The following NAV2 variants were observed in gnomAD, a reference collection of about 807,000 sequenced individuals.
NAV2 encodes the protein helicase, APC down-regulated 1.
A neutral mutation model predicts 223.2 loss-of-function variants in NAV2; 54 were observed. The ratio of observed to expected loss-of-function variants is 0.24; its 90% CI spans 0.19 to 0.30. The LOEUF is 0.30. Among genes scored for constraint, NAV2 ranks in the 10% least tolerant of loss-of-function variants. The pLI is 1.00. For synonymous variants in NAV2, 1,279 were observed against 1,239.3 expected (o/e 1.03, Z -0.67); for missense variants, 2,806 against 3,147.5 (o/e 0.89, Z 2.60).
chr11:19,573,571 G>A (rs567387624), intron 1 of NAV2, among the ~76,000 whole-genome samples: 34 of 152,256 alleles, frequency 2.2e-4, no homozygotes, highest in South Asian at 1.2e-3. Context: ...TGTGCCAGCC[G>A]CGGGCAGTGC....
intron 1 of NAV2, among the ~76,000 whole-genome samples, chr11:19,367,320 G>C (rs1590061885): frequency 6.6e-6 from 1 of 152,264 alleles, no homozygotes; most frequent in South Asian, 2.1e-4. Flanking sequence ...TGACTTCCAA[G>C]GCCCCTTGAG....
rs116730924 is a variant in NAV2 at position 19,604,045 on chromosome 11, G to T, written c.76-228439G>T. On this transcript the variant is annotated intron_variant, in intron 1 of 37. Coordinates refer to the NAV2 transcript ENST00000360655. ...GCTGGGGGAGAGGGAGCAAGGGGAAGAGAAGTAGGCAGTAGCATCAGAGAG... is the reference window on the plus strand; with the variant it reads ...GCTGGGGGAGAGGGAGCAAGGGGAATAGAAGTAGGCAGTAGCATCAGAGAG... Among the ~76,000 whole-genome samples, 1,227 of 152,256 alleles carry T rather than the reference G, an allele frequency of 8.1e-3. 23 individuals carry two copies. The highest frequency in any genetic ancestry group is 0.026 in the African/African-American group (1,094 of 41,538).
chr11:19,823,101 C>A (rs7106118), intron 1 of NAV2, among the ~76,000 whole-genome samples: 42,839 of 152,100 alleles, frequency 0.28, 6,445 homozygotes, highest in East Asian at 0.34. Flanking sequence ...AAGCTGAGTG[C>A]AGTGGTGATC....
intron 1 of NAV2, among the ~76,000 whole-genome samples, chr11:19,471,611 G>A (rs2041967581): frequency 6.6e-6 from 1 of 152,152 alleles, no homozygotes; most frequent in Non-Finnish European, 1.5e-5. Flanking sequence ...TAATGATAGA[G>A]CTGACTCAGG....
chr11:19,995,306 G>T (rs1486027135), intron 11 of NAV2, among the ~76,000 whole-genome samples: 1 of 152,200 alleles, frequency 6.6e-6, no homozygotes, highest in East Asian at 1.9e-4. Context: ...TGAACTGTTT[G>T]TCTCTGACGG....
intron 26 of NAV2, among the ~76,000 whole-genome samples, chr11:20,088,383 C>A (rs762643961): frequency 6.6e-6 from 1 of 152,172 alleles, no homozygotes; most frequent in African/African-American, 2.4e-5. Context: ...GACGGGGTTT[C>A]GCCGTGTTGG....
rs565072128 is a variant in NAV2 at position 19,897,732 on chromosome 11, G to A, written c.931+5138G>A. The stretch of plus-strand genomic sequence containing the variant: ...TTCCCAAAGACTGATCTCAGATTTT[G>A]CCTGTGAGGTTTGGAGGAAAGTCTG... On this transcript the variant is annotated intron_variant, in intron 6 of 37. Coordinates refer to ENST00000349880, the MANE Select transcript of NAV2 (RefSeq NM_145117.5). 3.9e-5 allele frequency among the ~76,000 whole-genome samples: 6 copies of A among 152,004 alleles called. No individual in the cohort carries two copies. In the South Asian group the frequency reaches 8.3e-4, roughly 21 times the overall value.
At chr11:19,482,338 G>T (rs2042305500) in intron 1 of NAV2, among the ~76,000 whole-genome samples, 1 of 152,254 alleles carries the variant, frequency 6.6e-6, no homozygotes, top group East Asian at 1.9e-4. Context: ...CTCTAGTAAT[G>T]AGAATATGCT....
chr11:19,608,715 C>G (rs1270207575), intron 1 of NAV2, among the ~76,000 whole-genome samples: 2 of 152,222 alleles, frequency 1.3e-5, no homozygotes, highest in African/African-American at 4.8e-5. Flanking sequence ...TCTTTTGGAG[C>G]CAGCTCTATT....
In NAV2 at chr11:19,486,275, G is replaced by A. The variant is rs954978656; in HGVS notation, c.75+135248G>A. Among the ~76,000 whole-genome samples, 36 of 152,082 alleles carry A rather than the reference G, an allele frequency of 2.4e-4. 2 individuals carry two copies. Among genetic ancestry groups the A allele is most frequent in the African/African-American group, 8.2e-4 (34 of 41,424 alleles). On this transcript the variant is annotated intron_variant, in intron 1 of 37. Transcript: ENST00000360655. ...GCATCCATTTATAGTCTCTTCCTGGGACCCTGTGCCTCTGAAGCCACTAGG... is the reference window on the plus strand; with the variant it reads ...GCATCCATTTATAGTCTCTTCCTGGAACCCTGTGCCTCTGAAGCCACTAGG...
intron 1 of NAV2, among the ~76,000 whole-genome samples, chr11:19,564,599 C>T (rs948456244): frequency 2.0e-5 from 3 of 151,908 alleles, no homozygotes; most frequent in Non-Finnish European, 4.4e-5. Flanking sequence ...CCTCACCAGA[C>T]TTAGCGAGAG....
At chr11:19,771,805 T>TATTC (rs893216390) in intron 1 of NAV2, among the ~76,000 whole-genome samples, 9 of 152,128 alleles carry the variant, frequency 5.9e-5, no homozygotes, top group African/African-American at 9.7e-5. Flanking sequence ...TCTGGGGGCG[T>TATTC]ATTCATTCAT....
At chr11:19,548,473 G>A (rs2044576816) in intron 1 of NAV2, among the ~76,000 whole-genome samples, 1 of 152,150 alleles carries the variant, frequency 6.6e-6, no homozygotes, top group Admixed American at 6.5e-5. Context: ...TCTCACTGAT[G>A]GTTACTGGAA....
At chr11:19,880,268 A>C (rs746700164) in intron 5 of NAV2, 141 bp downstream of exon 5, 1 of 1,229,986 alleles carries the variant, frequency 8.1e-7, no homozygotes, top group Admixed American at 2.9e-5. Flanking sequence ...GGAAATTAGC[A>C]TGGCCTTGAA....
intron 1 of NAV2, among the ~76,000 whole-genome samples, chr11:19,418,492 G>A (rs1285858453): frequency 2.0e-5 from 3 of 152,170 alleles, no homozygotes; most frequent in Non-Finnish European, 4.4e-5. Flanking sequence ...CTTATTCAAG[G>A]ATGAACAGAA....
rs1426144213 is a variant in NAV2, at chr11:19,432,617, G to A, written c.75+81590G>A. ...TGAGAAGACATGGAGCATGGAGAGC[G>A]AGGCAGTGGGGGAGTGGGTGGTATG... On this transcript the variant is annotated intron_variant, in intron 1 of 37. Coordinates refer to the NAV2 transcript ENST00000360655. Among the ~76,000 whole-genome samples, 7 of 152,154 alleles carry A rather than the reference G, an allele frequency of 4.6e-5. No homozygotes were observed. In the East Asian group the frequency reaches 5.8e-4, roughly 13 times the overall value.
chr11:20,042,826 C>G (rs539747154), intron 12 of NAV2, among the ~76,000 whole-genome samples: 1 of 152,230 alleles, frequency 6.6e-6, no homozygotes, highest in East Asian at 1.9e-4. Flanking sequence ...TCCCCATTTA[C>G]CGTGCTGCTT....
intron 1 of NAV2, among the ~76,000 whole-genome samples, chr11:19,368,890 A>G (rs1848377962): frequency 6.6e-6 from 1 of 152,220 alleles, no homozygotes; most frequent in African/African-American, 2.4e-5. Flanking sequence ...GACATGGCTC[A>G]GATTAACGTT....
chr11:19,900,781 T>C (rs1166834386), intron 6 of NAV2, among the ~76,000 whole-genome samples: 1 of 152,212 alleles, frequency 6.6e-6, no homozygotes, highest in Non-Finnish European at 1.5e-5. Flanking sequence ...CCATAAGCAA[T>C]GTGCTTAGTA....
Sources: gnomAD v4.1 joint callset for allele counts (sites outside exome capture counted in the v4.1 genomes callset) on GRCh38, gnomAD v4.1.1 for gene constraint, MANE v1.5 for transcripts, NCBI Gene and HGNC (gene_info 2026-07-23, HGNC 2026-07-21) for gene names.